NAT14: variants seen among roughly 807,000 people sequenced by gnomAD.
The protein encoded by NAT14 is probable N-acetyltransferase 14.
A neutral mutation model predicts 12.1 loss-of-function variants in NAT14; 14 were observed. That is an observed-to-expected ratio of 1.16 (90% CI 0.76 to 1.81). The LOEUF is 1.81. Ranked by LOEUF, NAT14 falls within the 40% of genes most tolerant of loss-of-function variation. The probability of loss-of-function intolerance (pLI) is 0.00; values close to 1 mark genes in which losing one functional copy is unlikely to be tolerated. For synonymous variants in NAT14, 156 were observed against 145.1 expected (o/e 1.08, Z -0.54); for missense variants, 341 against 304.3 (o/e 1.12, Z -0.90).
Position 55,486,903 on chromosome 19 carries a change from G to A in NAT14, c.568G>A (p.Gly190Ser), listed in dbSNP as rs752034621. ...LEGCGYQAEG[G>S]WGCLGYTLVR... ...GGGCTGTGGCTACCAGGCCGAGGGGGGCTGGGGCTGCCTGGGCTACACGCT... is the reference window on the plus strand; with the variant it reads ...GGGCTGTGGCTACCAGGCCGAGGGGAGCTGGGGCTGCCTGGGCTACACGCT... The change falls in exon 3 of 3, where the codon GGC becomes AGC. Residue 190 changes from glycine (G) to serine (S), a missense_variant. Physicochemically the swap from Gly to Ser is moderately conservative, Grantham distance 56. Coordinates refer to ENST00000205194, the MANE Select transcript of NAT14 (RefSeq NM_020378.4). 17 of 1,558,214 alleles carry A rather than the reference G, an allele frequency of 1.1e-5. No homozygotes were observed. Among genetic ancestry groups the A allele is most frequent in the Non-Finnish European group, 1.5e-5 (17 of 1,159,722 alleles).
In NAT14 at chr19:55,486,414, G is replaced by A; in HGVS notation, c.79G>A (p.Val27Met). The change falls in exon 3 of 3, where the codon GTG becomes ATG. Residue 27 changes from valine to methionine, a missense_variant. Transcript: ENST00000205194. The stretch of plus-strand genomic sequence containing the variant: ...CCACCCCTCCTGCCCACAGGCCGGC[G>A]TGAAGGACACGGAAAACCGCGTGGC... ...PLVLEMLKAG[V>M]KDTENRVALH... 6.8e-7 allele frequency: 1 copy of A among 1,469,964 alleles called. No individual in the cohort carries two copies. Among genetic ancestry groups the A allele is most frequent in the Admixed American group, 2.5e-5 (1 of 39,704 alleles). The allele number at this position is 1,469,964 out of a possible 1,614,324, so 91.1% of individuals were successfully genotyped here. A position where few individuals can be genotyped will look rare whatever the true frequency, so the allele number is the denominator to read the frequency against.
At chr19:55,486,294 T>G in intron 2 of NAT14, 114 bp from the exon 3 acceptor site, 3 of 1,346,808 alleles carry the variant, frequency 2.2e-6, no homozygotes, top group Non-Finnish European at 2.9e-6. Context: ...CGGACTGTGC[T>G]GCCTTCCCTT....
rs551745353 is a variant in NAT14, at chr19:55,485,269, G to C, written c.-49+11G>C. On this transcript the variant is annotated intron_variant, in intron 1 of 2. Transcript: ENST00000205194. ...AGGCGACCGGTGCAGGTGCTTGCTG[G>C]TCCTTGTTCTTGTGGCGCGGGACGG... is the stretch of plus-strand genomic sequence containing the variant. 3.5e-5 allele frequency: 6 copies of C among 169,646 alleles called. No homozygotes were observed. Among genetic ancestry groups the C allele is most frequent in the African/African-American group, 1.4e-4 (6 of 42,250 alleles). 10.5% of individuals were successfully genotyped at this position (169,646 alleles called of 1,614,324 possible).
chr19:55,486,648 G>A lies in NAT14; in HGVS notation c.313G>A (p.Gly105Ser), dbSNP rs1158740809. ...GGPWVAVRGS[G>S]DVCGVLALAP... ...CCCCTGGGTGGCCGTGCGGGGCTCC[G>A]GTGACGTGTGTGGGGTCCTGGCTCT... The change falls in exon 3 of 3, where the codon GGT (glycine) becomes AGT (serine). Residue 105 changes from glycine (G) to serine (S), a missense_variant. Physicochemically the swap from Gly to Ser is moderately conservative, Grantham distance 56. Coordinates refer to ENST00000205194, the MANE Select transcript of NAT14 (RefSeq NM_020378.4). 2.7e-6 allele frequency: 4 copies of A among 1,501,170 alleles called. No homozygotes were observed. Among genetic ancestry groups the A allele is most frequent in the South Asian group, 1.3e-5 (1 of 77,908 alleles). 93.0% of individuals were successfully genotyped at this position (1,501,170 alleles called of 1,614,324 possible).
In NAT14 at chr19:55,485,743, G is replaced by A. The variant is rs1032527353; in HGVS notation, c.35G>A (p.Arg12Lys). The A allele has an allele frequency of 2.6e-6, 4 of 1,551,046 alleles. No individual in the cohort carries two copies. The highest frequency in any genetic ancestry group is 1.4e-5 in the African/African-American group (1 of 72,994). The stretch of plus-strand genomic sequence containing the variant: ...AGCCACCTGTCAGTGCGGGAGATGA[G>A]GGAAGATGAGAAGCCCCTGGTGCTG... Reference protein sequence around the residue: ...APSHLSVREMREDEKPLVLEM... With the variant: ...APSHLSVREMKEDEKPLVLEM... The change falls in exon 2 of 3, where the codon AGG becomes AAG. Residue 12 changes from arginine to lysine, a missense_variant. Physicochemically the swap from Arg to Lys is conservative, Grantham distance 26. Coordinates refer to ENST00000205194, the MANE Select transcript of NAT14 (RefSeq NM_020378.4).
At position 55,487,522 on chromosome 19, in the gene NAT14, T is replaced by G; in HGVS notation, c.*566T>G. On this transcript the variant is annotated 3_prime_UTR_variant, in exon 3 of 3. Coordinates refer to ENST00000205194, the MANE Select transcript of NAT14 (RefSeq NM_020378.4). ...GGGCAGCCCTGTCCCTTCCTCCAGATCCGTCTGGTTTTTTACACCGTTTGT... is the reference window on the plus strand; with the variant it reads ...GGGCAGCCCTGTCCCTTCCTCCAGAGCCGTCTGGTTTTTTACACCGTTTGT... 2.5e-6 allele frequency: 1 copy of G among 394,666 alleles called. No individual in the cohort carries two copies. The highest frequency in any genetic ancestry group is 4.5e-6 in the Non-Finnish European group (1 of 224,072). The allele number at this position is 394,666 out of a possible 1,614,324, so 24.4% of individuals were successfully genotyped here.
rs1295757551 is a variant in NAT14, at chr19:55,486,716, C to T, written c.381C>T (p.Arg127=). ...TNAGDGARVT[R]LSVSRWHRRR... ...CAGGGGACGGGGCCCGGGTCACCCG[C>T]CTGTCTGTCTCTCGCTGGCACCGCC... Residue 127 remains arginine, a synonymous_variant, in exon 3 of 3, where the codon CGC becomes CGT. Coordinates refer to ENST00000205194, the MANE Select transcript of NAT14 (RefSeq NM_020378.4). The T allele has an allele frequency of 2.8e-6, 4 of 1,419,200 alleles. No homozygotes were observed. The highest frequency in any genetic ancestry group is 3.6e-6 in the Non-Finnish European group (4 of 1,098,178). The allele number at this position is 1,419,200 out of a possible 1,614,324, so 87.9% of individuals were successfully genotyped here. A position where few individuals can be genotyped will look rare whatever the true frequency, so the allele number is the denominator to read the frequency against.
In NAT14 at chr19:55,486,793, CCTGGGCTGGGGG is replaced by C. The variant is rs1236520162; in HGVS notation, c.460_471del (p.Trp154_Gly157del). ...GCCTTCGCGGAGGCCCGGGCTCGGG[CCTGGGCTGGGGG>C]CATGGGGGAGCCCCGGGCCCGGCTC... is the stretch of plus-strand genomic sequence containing the variant. On this transcript the variant is annotated inframe_deletion, in exon 3 of 3. Transcript: ENST00000205194. The C allele has an allele frequency of 6.9e-7, 1 of 1,457,824 alleles. No homozygotes were observed. The highest frequency in any genetic ancestry group is 9.0e-7 in the Non-Finnish European group (1 of 1,115,062). 90.3% of individuals were successfully genotyped at this position (1,457,824 alleles called of 1,614,324 possible).
chr19:55,486,167 C>T, intron 2 of NAT14: 1 of 585,164 alleles, frequency 1.7e-6, no homozygotes, highest in Non-Finnish European at 2.9e-6. Context: ...TTCCCTGGGG[C>T]CTCACTGCGG....
chr19:55,487,043 C>T lies in NAT14; in HGVS notation c.*87C>T. ...TACTGTCTGCGGGTTCTTTTACCTG[C>T]TCTCCCTCAGTGAGTCCTCAACCAC... On this transcript the variant is annotated 3_prime_UTR_variant, in exon 3 of 3. Coordinates refer to ENST00000205194, the MANE Select transcript of NAT14 (RefSeq NM_020378.4). 6.8e-7 allele frequency: 1 copy of T among 1,469,722 alleles called. No homozygotes were observed. The highest frequency in any genetic ancestry group is 1.3e-5 in the South Asian group (1 of 74,184). The allele number at this position is 1,469,722 out of a possible 1,614,324, so 91.0% of individuals were successfully genotyped here. A position where few individuals can be genotyped will look rare whatever the true frequency, so the allele number is the denominator to read the frequency against.
In NAT14 at chr19:55,486,998, G is replaced by A. The variant is rs200257229; in HGVS notation, c.*42G>A. The A allele has an allele frequency of 1.1e-5, 16 of 1,518,022 alleles. No individual in the cohort carries two copies. The highest frequency in any genetic ancestry group is 2.2e-4 in the Middle Eastern group (1 of 4,598). 94.0% of individuals were successfully genotyped at this position (1,518,022 alleles called of 1,614,324 possible). ...CCAGGGCAGGGGAGGAGGGAGGGGC[G>A]CCAGCACCTGATGATCGCCTACTGT... On this transcript the variant is annotated 3_prime_UTR_variant, in exon 3 of 3. Coordinates refer to ENST00000205194, the MANE Select transcript of NAT14 (RefSeq NM_020378.4).
Position 55,486,471 on chromosome 19 carries a change from C to G in NAT14, c.136C>G (p.Leu46Val), listed in dbSNP as rs758979784. The change falls in exon 3 of 3, where the codon CTC (leucine) becomes GTC (valine). Residue 46 changes from leucine (L) to valine (V), a missense_variant. Transcript: ENST00000205194. ...LHALTRPPAL[L>V]LLAAASSGLR... The stretch of plus-strand genomic sequence containing the variant: ...TGCCTTGACACGGCCGCCGGCCCTG[C>G]TCCTCCTGGCGGCGGCCAGCAGCGG... 1 of 1,556,462 alleles carries G rather than the reference C, an allele frequency of 6.4e-7. No homozygotes were observed. Among genetic ancestry groups the G allele is most frequent in the Non-Finnish European group, 8.6e-7 (1 of 1,159,998 alleles).
chr19:55,486,235 C>T (rs1186030713), intron 2 of NAT14, 173 bp from the exon 3 acceptor site: 11 of 849,518 alleles, frequency 1.3e-5, no homozygotes, highest in Admixed American at 7.0e-5. Context: ...ATCCATCATT[C>T]GCTCTCGTTC....
At position 55,486,605 on chromosome 19, in the gene NAT14, G is replaced by A. The variant is rs761744434; in HGVS notation, c.270G>A (p.Pro90=). 5.2e-6 allele frequency: 8 copies of A among 1,548,534 alleles called. No individual in the cohort carries two copies. The highest frequency in any genetic ancestry group is 4.2e-5 in the African/African-American group (3 of 71,360). ...GLRARWGSLP[P]PGGLGGPWVA... The stretch of plus-strand genomic sequence containing the variant: ...GGGCCCGATGGGGCTCGCTGCCTCC[G>A]CCGGGTGGCCTGGGGGGCCCCTGGG... Residue 90 remains proline, a synonymous_variant, in exon 3 of 3, where the codon CCG becomes CCA. Coordinates refer to ENST00000205194, the MANE Select transcript of NAT14 (RefSeq NM_020378.4).
At position 55,486,499 on chromosome 19, in the gene NAT14, T is replaced by G. The variant is rs750593506; in HGVS notation, c.164T>G (p.Leu55Arg). 6.3e-7 allele frequency: 1 copy of G among 1,577,908 alleles called. No homozygotes were observed. The highest frequency in any genetic ancestry group is 2.3e-5 in the East Asian group (1 of 42,592). The change falls in exon 3 of 3, where the codon CTG becomes CGG. Residue 55 changes from leucine (L) to arginine (R), a missense_variant. Physicochemically the swap from Leu to Arg is moderately radical, Grantham distance 102. Transcript: ENST00000205194. ...LLLLAAASSG[L>R]RFVLASFALA... is the part of the protein sequence containing the mutation. ...CTCCTGGCGGCGGCCAGCAGCGGCCTGCGCTTTGTCCTGGCTTCCTTCGCC... is the reference window on the plus strand; with the variant it reads ...CTCCTGGCGGCGGCCAGCAGCGGCCGGCGCTTTGTCCTGGCTTCCTTCGCC...
At position 55,486,464 on chromosome 19, in the gene NAT14, G is replaced by C. The variant is rs770556005; in HGVS notation, c.129G>C (p.Pro43=). The C allele has an allele frequency of 6.5e-7, 1 of 1,548,170 alleles. No individual in the cohort carries two copies. Residue 43 remains proline, a synonymous_variant, in exon 3 of 3, where the codon CCG becomes CCC. Transcript: ENST00000205194. ...CCCTCCATGCCTTGACACGGCCGCC[G>C]GCCCTGCTCCTCCTGGCGGCGGCCA... ...RVALHALTRP[P]ALLLLAAASS... is the part of the protein sequence containing the mutation.
At position 55,487,022 on chromosome 19, in the gene NAT14, GTC is replaced by G. The variant is rs1599906775; in HGVS notation, c.*68_*69del. 2 of 1,493,006 alleles carry G rather than the reference GTC, an allele frequency of 1.3e-6. No homozygotes were observed. The highest frequency in any genetic ancestry group is 5.2e-5 in the East Asian group (2 of 38,526). The allele number at this position is 1,493,006 out of a possible 1,614,324, so 92.5% of individuals were successfully genotyped here. A position where few individuals can be genotyped will look rare whatever the true frequency, so the allele number is the denominator to read the frequency against. ...CGCCAGCACCTGATGATCGCCTACT[GTC>G]TGCGGGTTCTTTTACCTGCTCTCCC... On this transcript the variant is annotated 3_prime_UTR_variant, in exon 3 of 3. Transcript: ENST00000205194.
At chr19:55,485,570 C>A in intron 1 of NAT14, 91 bp from the exon 2 acceptor site, 1 of 688,956 alleles carries the variant, frequency 1.5e-6, no homozygotes. Context: ...GTGTCCTGAT[C>A]TGGGAAGTGC....
Position 55,485,700 on chromosome 19 carries a change from G to A in NAT14, c.-9G>A. 1 of 1,549,842 alleles carries A rather than the reference G, an allele frequency of 6.5e-7. No individual in the cohort carries two copies. Among genetic ancestry groups the A allele is most frequent in the Non-Finnish European group, 8.7e-7 (1 of 1,145,566 alleles). ...CTCCCTTCTGGGGGGCCGGGGCCTG[G>A]GGGTTGCCATGGCCCCCAGCCACCT... On this transcript the variant is annotated 5_prime_UTR_variant, in exon 2 of 3. Transcript: ENST00000205194.
Sources: allele counts gnomAD v4.1 joint callset, GRCh38; gene constraint gnomAD v4.1.1; transcripts MANE v1.5; gene names NCBI Gene and HGNC (gene_info 2026-07-23, HGNC 2026-07-21).